EYA4: variants seen among roughly 807,000 people sequenced by gnomAD.
EYA4 encodes EYA transcriptional coactivator and phosphatase 4.
Under a neutral mutation model 87.9 loss-of-function variants are expected in EYA4, and 31 were observed. The observed-to-expected ratio is 0.35, with a 90% CI of 0.27 to 0.48. EYA4 has a LOEUF of 0.48. Ranked by LOEUF, EYA4 falls within the 20% of genes least tolerant of loss-of-function variation. The pLI is 0.99. For synonymous variants in EYA4, 263 were observed against 270.6 expected (o/e 0.97, Z 0.28); for missense variants, 678 against 761.4 (o/e 0.89, Z 1.29).
chr6:133,303,417 G>A (rs578027749), intron 2 of EYA4, among the ~76,000 whole-genome samples: 1 of 152,254 alleles, frequency 6.6e-6, no homozygotes, highest in South Asian at 2.1e-4. Context: ...CTATCAGAAG[G>A]CTGATTGGAG....
At chr6:133,304,858 A>T (rs1582902551) in intron 2 of EYA4, among the ~76,000 whole-genome samples, 1 of 152,194 alleles carries the variant, frequency 6.6e-6, no homozygotes, top group Non-Finnish European at 1.5e-5. Context: ...ATAAATCCTT[A>T]TTCCAAAGAG....
At chr6:133,419,936 T>C (rs1790073848) in intron 3 of EYA4, among the ~76,000 whole-genome samples, 1 of 152,206 alleles carries the variant, frequency 6.6e-6, no homozygotes. Context: ...ATATGTTTTA[T>C]GCTATTAGTT....
Position 133,323,034 on chromosome 6 carries a change from T to G in EYA4, c.33+48221T>G, listed in dbSNP as rs556374910. Among the ~76,000 whole-genome samples the G allele has an allele frequency of 1.6e-4, 25 of 151,974 alleles. No homozygotes were observed. In the South Asian group the frequency reaches 5.0e-3, roughly 30 times the overall value. On this transcript the variant is annotated intron_variant, in intron 2 of 19. Coordinates refer to ENST00000355286, the MANE Select transcript of EYA4 (RefSeq NM_004100.5). ...TATCAGCTTCTCAAGACAAAATTCATTTTATTCTCTATATCTATGTCTATA... is the reference window on the plus strand; with the variant it reads ...TATCAGCTTCTCAAGACAAAATTCAGTTTATTCTCTATATCTATGTCTATA...
intron 2 of EYA4, among the ~76,000 whole-genome samples, chr6:133,361,902 A>G (rs1245128425): frequency 6.6e-6 from 1 of 152,202 alleles, no homozygotes; most frequent in African/African-American, 2.4e-5. Flanking sequence ...GATGTTTTTG[A>G]CAATCTAACA....
intron 2 of EYA4, among the ~76,000 whole-genome samples, chr6:133,338,163 G>A (rs1329711512): frequency 6.6e-6 from 1 of 152,028 alleles, no homozygotes; most frequent in Non-Finnish European, 1.5e-5. Context: ...CTAGTCATTA[G>A]CTTAAAAATT....
At chr6:133,243,641 G>GCAGAAT (rs1410680110) in intron 1 of EYA4, among the ~76,000 whole-genome samples, 1 of 146,018 alleles carries the variant, frequency 6.8e-6, no homozygotes, top group African/African-American at 2.5e-5. Context: ...TTGGTTTTAA[G>GCAGAAT]CAGAATCAGT....
At chr6:133,262,091 A>G (rs187670501) in intron 1 of EYA4, among the ~76,000 whole-genome samples, 29 of 152,350 alleles carry the variant, frequency 1.9e-4, no homozygotes, top group African/African-American at 5.5e-4. Flanking sequence ...CAAGAGTTCA[A>G]TGCTAAACTT....
At chr6:133,501,362 A>G (rs1000570332) in intron 13 of EYA4, among the ~76,000 whole-genome samples, 1 of 151,950 alleles carries the variant, frequency 6.6e-6, no homozygotes. Flanking sequence ...TTTTTTGGTT[A>G]TCTGCTCTCT....
chr6:133,405,193 A>G (rs1454639403), intron 3 of EYA4, among the ~76,000 whole-genome samples: 1 of 151,968 alleles, frequency 6.6e-6, no homozygotes, highest in East Asian at 1.9e-4. Flanking sequence ...CTGGACTTTG[A>G]GTTGGTAGGT....
intron 10 of EYA4, among the ~76,000 whole-genome samples, chr6:133,466,745 G>A (rs1275366775): frequency 3.3e-5 from 5 of 151,442 alleles, no homozygotes; most frequent in Non-Finnish European, 7.4e-5. Flanking sequence ...ATCCCCAATG[G>A]ATGGAAAACT....
At chr6:133,521,627 AG>A (rs1211406984) in intron 17 of EYA4, among the ~76,000 whole-genome samples, 16 of 77,182 alleles carry the variant, frequency 2.1e-4, no homozygotes, top group South Asian at 5.7e-4. Context: ...ATATACCCAA[AG>A]GACTATAAAT....
intron 2 of EYA4, among the ~76,000 whole-genome samples, chr6:133,377,831 T>C (rs1194728652): frequency 1.3e-5 from 2 of 151,980 alleles, no homozygotes; most frequent in African/African-American, 4.8e-5. Flanking sequence ...AAATGGGAGA[T>C]ATTAGTCAAG....
chr6:133,462,292 A>G (rs1261199686), intron 7 of EYA4, 43 bp from the exon 8 acceptor site: 3 of 1,608,114 alleles, frequency 1.9e-6, no homozygotes, highest in Middle Eastern at 1.7e-4. Context: ...AAATTAATAC[A>G]CAGTCTTTGT....
chr6:133,345,918 A>C (rs1351116919), intron 2 of EYA4, among the ~76,000 whole-genome samples: 1 of 152,196 alleles, frequency 6.6e-6, no homozygotes, highest in African/African-American at 2.4e-5. Flanking sequence ...GAGTATTTCT[A>C]GTTCAGAGTT....
intron 3 of EYA4, among the ~76,000 whole-genome samples, chr6:133,438,770 C>T (rs745621134): frequency 5.3e-5 from 8 of 151,920 alleles, no homozygotes; most frequent in Non-Finnish European, 7.4e-5. Context: ...TGGCCGGGTG[C>T]GGTGGCTCAC....
At chr6:133,314,897 A>G (rs1045953387) in intron 2 of EYA4, among the ~76,000 whole-genome samples, 1 of 152,172 alleles carries the variant, frequency 6.6e-6, no homozygotes, top group African/African-American at 2.4e-5. Flanking sequence ...TGAAATTGGA[A>G]TCCATGAAGA....
intron 2 of EYA4, among the ~76,000 whole-genome samples, chr6:133,319,858 C>T (rs13218103): frequency 0.083 from 12,599 of 151,690 alleles, 772 homozygotes; most frequent in South Asian, 0.14. Flanking sequence ...CTGGGACTAT[C>T]GGTGTGTGCC....
chr6:133,442,189 T>C (rs1224490730), intron 3 of EYA4, among the ~76,000 whole-genome samples: 1 of 152,148 alleles, frequency 6.6e-6, no homozygotes, highest in Non-Finnish European at 1.5e-5. Flanking sequence ...GTCATATTTT[T>C]CTGCTTTTTG....
At chr6:133,485,238 A>T (rs1796588235) in intron 13 of EYA4, among the ~76,000 whole-genome samples, 1 of 152,170 alleles carries the variant, frequency 6.6e-6, no homozygotes, top group South Asian at 2.1e-4. Context: ...ATTTCCCTAA[A>T]AGGTTTTTTT....
Sources: allele counts gnomAD v4.1 joint callset (sites outside exome capture counted in the v4.1 genomes callset), GRCh38; gene constraint gnomAD v4.1.1; transcripts MANE v1.5; gene names NCBI Gene and HGNC (gene_info 2026-07-23, HGNC 2026-07-21).